SEMA5A: variants seen among roughly 807,000 people sequenced by gnomAD.
SEMA5A encodes semaphorin 5A.
SEMA5A carries 55 observed loss-of-function variants against 135.5 expected under a neutral mutation model. The observed-to-expected ratio is 0.41, with a 90% CI of 0.33 to 0.51. The LOEUF is 0.51. Among genes scored for constraint, SEMA5A ranks in the 20% least tolerant of loss-of-function variants. The probability of loss-of-function intolerance (pLI) is 0.37; values close to 1 mark genes in which losing one functional copy is unlikely to be tolerated. For synonymous variants in SEMA5A, 580 were observed against 546.5 expected (o/e 1.06, Z -0.85); for missense variants, 1,290 against 1,419.9 (o/e 0.91, Z 1.47).
intron 8 of SEMA5A, among the ~76,000 whole-genome samples, chr5:9,203,805 C>T (rs1745857063): frequency 6.6e-6 from 1 of 151,996 alleles, no homozygotes; most frequent in Non-Finnish European, 1.5e-5. Flanking sequence ...ATTGCTTTCA[C>T]CCTAAATGAC....
At chr5:9,224,028 G>T (rs747250267) in intron 8 of SEMA5A, among the ~76,000 whole-genome samples, 2 of 152,140 alleles carry the variant, frequency 1.3e-5, no homozygotes, top group Non-Finnish European at 2.9e-5. Flanking sequence ...TGCCACATGT[G>T]GATGCAATAC....
chr5:9,112,420 C>A (rs971984789), intron 15 of SEMA5A, among the ~76,000 whole-genome samples: 1 of 152,200 alleles, frequency 6.6e-6, no homozygotes, highest in Non-Finnish European at 1.5e-5. Flanking sequence ...TAACCTGAAC[C>A]AATCAGGGCC....
chr5:9,521,178 G>A (rs1244765048), intron 1 of SEMA5A, among the ~76,000 whole-genome samples: 3 of 152,184 alleles, frequency 2.0e-5, no homozygotes, highest in East Asian at 3.9e-4. Context: ...GGGAGGCTGA[G>A]GCAGGCAGAT....
At chr5:9,420,508 G>A (rs957912637) in intron 2 of SEMA5A, among the ~76,000 whole-genome samples, 1 of 152,174 alleles carries the variant, frequency 6.6e-6, no homozygotes, top group Non-Finnish European at 1.5e-5. Context: ...CTAATCCACT[G>A]CTGCTGACTG....
intron 16 of SEMA5A, among the ~76,000 whole-genome samples, chr5:9,088,637 A>ATATATATATATATATATATATAT (rs1738846706): frequency 4.7e-4 from 51 of 107,862 alleles, no homozygotes; most frequent in African/African-American, 1.8e-3. Context: ...CTACATTTAT[A>ATATATATATATATATATATATAT]ATATATATAT....
chr5:9,182,168 A>AAT (rs1553998826), intron 11 of SEMA5A, among the ~76,000 whole-genome samples: 24 of 139,344 alleles, frequency 1.7e-4, no homozygotes, highest in East Asian at 1.6e-3. Context: ...CCCAAAAAAA[A>AAT]ATACGCTTCC....
intron 3 of SEMA5A, among the ~76,000 whole-genome samples, chr5:9,369,121 T>C (rs1300490270): frequency 6.6e-6 from 1 of 152,258 alleles, no homozygotes. Context: ...GGTATCTCAC[T>C]ATGCAGTTAT....
intron 10 of SEMA5A, among the ~76,000 whole-genome samples, chr5:9,193,861 TAC>T (rs1745244990): frequency 1.3e-5 from 2 of 152,112 alleles, no homozygotes; most frequent in Admixed American, 1.3e-4. Flanking sequence ...CGTACCACTG[TAC>T]ACCAGCCTGG....
chr5:9,371,550 A>G (rs1421291224), intron 3 of SEMA5A, among the ~76,000 whole-genome samples: 1 of 152,216 alleles, frequency 6.6e-6, no homozygotes, highest in Non-Finnish European at 1.5e-5. Flanking sequence ...TAGAAAACTG[A>G]CAATATATTT....
At chr5:9,458,840 G>A (rs990811424) in intron 1 of SEMA5A, among the ~76,000 whole-genome samples, 5 of 152,172 alleles carry the variant, frequency 3.3e-5, no homozygotes, top group African/African-American at 4.8e-5. Flanking sequence ...CCTAGGCAGG[G>A]AGTCCCAACG....
intron 18 of SEMA5A, among the ~76,000 whole-genome samples, chr5:9,061,457 T>C (rs1737177145): frequency 1.3e-5 from 2 of 151,698 alleles, no homozygotes; most frequent in African/African-American, 2.4e-5. Context: ...CAGACAAAAG[T>C]CAAGGCAGCC....
intron 12 of SEMA5A, among the ~76,000 whole-genome samples, chr5:9,138,112 G>C (rs1210899678): frequency 6.6e-6 from 1 of 152,118 alleles, no homozygotes. Flanking sequence ...TCAGAAGTAG[G>C]GCTAGGTTGG....
chr5:9,070,513 A>G (rs1737717144), intron 16 of SEMA5A, among the ~76,000 whole-genome samples: 2 of 152,194 alleles, frequency 1.3e-5, no homozygotes, highest in African/African-American at 4.8e-5. Context: ...GGATACCACC[A>G]ATAATTCTTA....
At chr5:9,536,318 C>CA (rs1369407689) in intron 1 of SEMA5A, among the ~76,000 whole-genome samples, 2 of 152,014 alleles carry the variant, frequency 1.3e-5, no homozygotes, top group African/African-American at 4.8e-5. Flanking sequence ...CAGCCCTATG[C>CA]AAAAAGACAG....
chr5:9,235,427 C>A (rs2526115), intron 6 of SEMA5A, among the ~76,000 whole-genome samples: 30,835 of 152,050 alleles, frequency 0.2, 3,621 homozygotes, highest in African/African-American at 0.34. Context: ...CATGTCAAAG[C>A]ATAATCTGGC....
chr5:9,312,099 G>A (rs1293249666), intron 5 of SEMA5A, among the ~76,000 whole-genome samples: 1 of 152,138 alleles, frequency 6.6e-6, no homozygotes, highest in African/African-American at 2.4e-5. Flanking sequence ...GCCATCTGCG[G>A]TAGGATCCCA....
chr5:9,112,764 T>C (rs1740309033), intron 15 of SEMA5A, among the ~76,000 whole-genome samples: 1 of 152,194 alleles, frequency 6.6e-6, no homozygotes. Flanking sequence ...TCTCCTCCTA[T>C]TGAATATGAA....
At chr5:9,340,436 C>G (rs1399509271) in intron 3 of SEMA5A, among the ~76,000 whole-genome samples, 3 of 152,206 alleles carry the variant, frequency 2.0e-5, no homozygotes, top group Non-Finnish European at 4.4e-5. Context: ...TCAGGTTACT[C>G]TTTTCCCATG....
At chr5:9,074,643 G>A (rs930086303) in intron 16 of SEMA5A, among the ~76,000 whole-genome samples, 3 of 152,204 alleles carry the variant, frequency 2.0e-5, no homozygotes, top group Non-Finnish European at 2.9e-5. Context: ...TAAAACTAGA[G>A]TATAAAAACT....
Sources: gnomAD v4.1 joint callset for allele counts (sites outside exome capture counted in the v4.1 genomes callset) on GRCh38, gnomAD v4.1.1 for gene constraint, MANE v1.5 for transcripts, NCBI Gene and HGNC (gene_info 2026-07-23, HGNC 2026-07-21) for gene names.